Variants in POTEE observed in about 807,000 individuals in gnomAD.
POTEE encodes POTE ankyrin domain family member E, also known as ANKRD26-like family C member 1A.
Under a neutral mutation model 74.2 loss-of-function variants are expected in POTEE, and 21 were observed. That is an observed-to-expected ratio of 0.28 (90% confidence interval 0.20 to 0.41). POTEE has a LOEUF of 0.41. Ranked by LOEUF, POTEE falls within the 10% of genes least tolerant of loss-of-function variation. The pLI, the probability that POTEE is intolerant of heterozygous loss-of-function variation, is 1.00. For synonymous variants in POTEE, 211 were observed against 432.8 expected, an observed-to-expected ratio of 0.49 and a Z score of 6.36; for missense variants, 525 against 1,158.6, an observed-to-expected ratio of 0.45 and a Z score of 7.94.
chr2:131,223,331 G>A (rs1470619396), intron 4 of POTEE, among the ~76,000 whole-genome samples: 1 of 147,264 alleles, frequency 6.8e-6, no homozygotes, highest in African/African-American at 2.6e-5. Context: ...CAACAGCCAG[G>A]AAGTGACAGA....
At chr2:131,215,879 A>G (rs1700433862) in intron 2 of POTEE, among the ~76,000 whole-genome samples, 1 of 137,368 alleles carries the variant, frequency 7.3e-6, no homozygotes, top group Non-Finnish European at 1.6e-5. Context: ...CTGACTTGCC[A>G]GAGTAATTAT....
At chr2:131,216,705 T>G (rs1381667936) in intron 2 of POTEE, among the ~76,000 whole-genome samples, 2 of 145,980 alleles carry the variant, frequency 1.4e-5, no homozygotes, top group Admixed American at 7.1e-5. Flanking sequence ...GTCCATAAAA[T>G]AAAATATTAC....
intron 1 of POTEE, among the ~76,000 whole-genome samples, chr2:131,210,543 T>G (rs1250556918): frequency 1.3e-5 from 2 of 151,962 alleles, no homozygotes; most frequent in Non-Finnish European, 2.9e-5. Context: ...TTTTCCAGAC[T>G]CCAGAGTTCC....
chr2:131,221,176 T>C (rs548295075), intron 4 of POTEE, among the ~76,000 whole-genome samples: 2 of 152,286 alleles, frequency 1.3e-5, no homozygotes, highest in Admixed American at 6.5e-5. Context: ...CAAATAGATG[T>C]CTGTTTTTCT....
At chr2:131,235,714 C>G (rs1441874264) in intron 9 of POTEE, among the ~76,000 whole-genome samples, 1 of 147,568 alleles carries the variant, frequency 6.8e-6, no homozygotes, top group Admixed American at 6.9e-5. Context: ...ATCGCTTGAA[C>G]CAGGGAGTGT....
At chr2:131,248,717 TTAATAGA>T (rs1701414103) in intron 13 of POTEE, among the ~76,000 whole-genome samples, 1 of 148,278 alleles carries the variant, frequency 6.7e-6, no homozygotes, top group Admixed American at 6.7e-5. Flanking sequence ...ACAGATGAAC[TTAATAGA>T]TAAAGATGAA....
In POTEE at chr2:131,218,843, C is replaced by T. The variant is rs778260266; in HGVS notation, c.441C>T (p.Ala147=). Reference sequence around the variant, plus strand: ...ATCTGGACAAGCTCCACAGAGCTGCCTGGTGGGGTAAAGTCCCCAGAAAGG... The same window carrying T: ...ATCTGGACAAGCTCCACAGAGCTGCTTGGTGGGGTAAAGTCCCCAGAAAGG... ...GEDLDKLHRA[A]WWGKVPRKDL... is the part of the protein sequence containing the mutation. Residue 147 remains alanine, a synonymous_variant, in exon 4 of 18, where the codon GCC becomes GCT. Coordinates refer to ENST00000683005, the MANE Select transcript of POTEE (RefSeq NM_001083538.3). The T allele has an allele frequency of 5.6e-6, 9 of 1,612,802 alleles. No homozygotes were observed. In the East Asian group the frequency reaches 1.6e-4, roughly 28 times the overall value.
chr2:131,219,732 C>G (rs191080427), intron 4 of POTEE, among the ~76,000 whole-genome samples: 5,052 of 149,928 alleles, frequency 0.034, 268 homozygotes, highest in African/African-American at 0.11. Flanking sequence ...GCGAGACTCC[C>G]TTTCAAAAAA....
intron 9 of POTEE, among the ~76,000 whole-genome samples, chr2:131,233,960 C>T (rs1176605001): frequency 2.0e-5 from 3 of 151,244 alleles, no homozygotes; most frequent in Non-Finnish European, 4.4e-5. Flanking sequence ...TTTCTATGCA[C>T]GTTTAATGGA....
Position 131,263,866 on chromosome 2 carries a change from T to G in POTEE, c.2411T>G (p.Leu804Arg), listed in dbSNP as rs761069703. The change falls in exon 18 of 18, where the codon CTG becomes CGG. Residue 804 changes from leucine to arginine, a missense_variant. Coordinates refer to ENST00000683005, the MANE Select transcript of POTEE (RefSeq NM_001083538.3). ...LRVAPEEHPI[L>R]LTEAPLNPKA... is the part of the protein sequence containing the mutation. ...GTGGCTCCCGAGGAGCACCCCATCC[T>G]GCTGACCGAGGCCCCCCTGAACCCC... 1.1e-5 allele frequency: 18 copies of G among 1,614,084 alleles called. No individual in the cohort carries two copies. In the African/African-American group the frequency reaches 2.3e-4, roughly 20 times the overall value.
At chr2:131,224,703 C>G (rs930188502) in intron 6 of POTEE, among the ~76,000 whole-genome samples, 1 of 151,282 alleles carries the variant, frequency 6.6e-6, no homozygotes, top group Admixed American at 6.6e-5. Flanking sequence ...TGACAGTTTT[C>G]AGTTTGGGAG....
chr2:131,218,146 C>G, intron 3 of POTEE, 164 bp from the exon 4 acceptor site: 1 of 800,048 alleles, frequency 1.2e-6, no homozygotes. Context: ...GGGGGTTGGC[C>G]CTTTCTGGGG....
intron 8 of POTEE, among the ~76,000 whole-genome samples, chr2:131,230,230 T>C (rs985521746): frequency 6.6e-6 from 1 of 152,166 alleles, no homozygotes; most frequent in Non-Finnish European, 1.5e-5. Flanking sequence ...TTATAAGCCA[T>C]AAAGAGTAGG....
chr2:131,210,981 T>G (rs1302225244), intron 1 of POTEE, among the ~76,000 whole-genome samples, 47 bp from the exon 2 acceptor site: 2 of 151,244 alleles, frequency 1.3e-5, no homozygotes, highest in Non-Finnish European at 2.9e-5. Context: ...GTGGCCAGCA[T>G]GACAAGGTGA....
intron 9 of POTEE, among the ~76,000 whole-genome samples, chr2:131,233,684 C>CT (rs931295200): frequency 8.1e-5 from 12 of 148,554 alleles, no homozygotes; most frequent in African/African-American, 2.8e-4. Context: ...AGTTGGCAGG[C>CT]TTTTTTTTAA....
chr2:131,221,921 A>T (rs1480429349), intron 4 of POTEE, among the ~76,000 whole-genome samples: 1 of 152,248 alleles, frequency 6.6e-6, no homozygotes. Context: ...ATCAGACATA[A>T]GCCAGACACC....
rs1700474224 is a variant in POTEE, at chr2:131,217,677, T to TAA, written c.-99_-98dup. ...CAGTGACATTCGTGGCGCCAAGACT[T>TAA]AAGCAGGCGCGTTGCATGCATCGGC... On this transcript the variant is annotated 5_prime_UTR_variant, in exon 3 of 18. Coordinates refer to ENST00000683005, the MANE Select transcript of POTEE (RefSeq NM_001083538.3). Among the ~76,000 whole-genome samples, 1 of 149,524 alleles carries TAA rather than the reference T, an allele frequency of 6.7e-6. No individual in the cohort carries two copies. The highest frequency in any genetic ancestry group is 1.5e-5 in the Non-Finnish European group (1 of 67,284).
intron 7 of POTEE, 95 bp from the exon 8 acceptor site, chr2:131,228,149 G>C: frequency 6.7e-7 from 1 of 1,484,730 alleles, no homozygotes; most frequent in Non-Finnish European, 9.0e-7. Context: ...GTAAATGTTT[G>C]ATTCTGCACA....
chr2:131,219,614 G>A (rs1700552422), intron 4 of POTEE, among the ~76,000 whole-genome samples: 1 of 152,100 alleles, frequency 6.6e-6, no homozygotes, highest in African/African-American at 2.4e-5. Context: ...GTAGACGCCT[G>A]TAGTCCCAGC....
Sources: allele counts gnomAD v4.1 joint callset (sites outside exome capture counted in the v4.1 genomes callset), GRCh38; gene constraint gnomAD v4.1.1; transcripts MANE v1.5; gene names NCBI Gene and HGNC (gene_info 2026-07-23, HGNC 2026-07-21).